The following DUSP12 variants were observed in gnomAD, a reference collection of about 807,000 sequenced individuals.
DUSP12 encodes dual specificity phosphatase 12.
Under a neutral mutation model 38.9 loss-of-function variants are expected in DUSP12, and 25 were observed. That is an observed-to-expected ratio of 0.64 (90% confidence interval 0.47 to 0.90). The LOEUF (loss-of-function observed/expected upper bound fraction) is 0.90. DUSP12 is among the 40% of genes least tolerant of loss of function. The pLI is 0.00. For synonymous variants in DUSP12, 153 were observed against 153.9 expected, an observed-to-expected ratio of 0.99 and a Z score of 0.05; for missense variants, 403 against 427.0, an observed-to-expected ratio of 0.94 and a Z score of 0.50.
intron 1 of DUSP12, 30 bp downstream of exon 1, chr1:161,750,175 C>A (rs1296337562): frequency 7.6e-6 from 12 of 1,581,778 alleles, no homozygotes; most frequent in Non-Finnish European, 8.6e-6. Flanking sequence ...GGTGACGTGC[C>A]CCGCCAAGCT....
chr1:161,753,241 T>G lies in DUSP12; in HGVS notation c.841T>G (p.Leu281Val). The change falls in exon 5 of 6, where the codon TTG (leucine) becomes GTG (valine). Residue 281 changes from leucine to valine, a missense_variant. By Grantham distance (32) the Leu-to-Val change is conservative. Transcript: ENST00000367943. Reference protein sequence around the residue: ...EPVQWMESALLGVMDGQLLCP... With the variant: ...EPVQWMESALVGVMDGQLLCP... ...TGTACAGTGGATGGAATCTGCTTTG[T>G]TGGGAGTGATGGATGGACAGGTGAG... 1 of 1,604,638 alleles carries G rather than the reference T, an allele frequency of 6.2e-7. No homozygotes were observed. The highest frequency in any genetic ancestry group is 8.5e-7 in the Non-Finnish European group (1 of 1,175,196).
intron 2 of DUSP12, 39 bp downstream of exon 2, chr1:161,751,820 A>G: frequency 6.2e-7 from 1 of 1,600,808 alleles, no homozygotes; most frequent in African/African-American, 1.4e-5. Flanking sequence ...TGCTTTTGTG[A>G]TATAATTTTA....
In DUSP12 at chr1:161,754,910, A is replaced by G. The variant is rs529977716; in HGVS notation, c.861+1649A>G. ...CAATGGCACAATCTTGGCTCACCAC[A>G]ACCTCTGCCTCCCGGGTTCAAGTGA... On this transcript the variant is annotated intron_variant, in intron 5 of 5. Coordinates refer to ENST00000367943, the MANE Select transcript of DUSP12 (RefSeq NM_007240.3). Among the ~76,000 whole-genome samples the G allele has an allele frequency of 1.3e-3, 191 of 152,190 alleles. 1 individual carries two copies. The highest frequency in any genetic ancestry group is 4.4e-3 in the African/African-American group (184 of 41,526).
At position 161,753,209 on chromosome 1, in the gene DUSP12, T is replaced by C. The variant is rs150959950; in HGVS notation, c.809T>C (p.Ile270Thr). ...GRQAQCTSYF[I>T]EPVQWMESAL... Reference sequence around the variant, plus strand: ...CAAGCTCAATGTACATCTTATTTCATTGAACCTGTACAGTGGATGGAATCT... The same window carrying C: ...CAAGCTCAATGTACATCTTATTTCACTGAACCTGTACAGTGGATGGAATCT... Residue 270 changes from isoleucine to threonine, a missense_variant, in exon 5 of 6, where the codon ATT becomes ACT. By Grantham distance (89) the Ile-to-Thr change is moderately conservative (BLOSUM62 -1). Coordinates refer to ENST00000367943, the MANE Select transcript of DUSP12 (RefSeq NM_007240.3). 13 of 1,614,062 alleles carry C rather than the reference T, an allele frequency of 8.1e-6. No individual in the cohort carries two copies. The highest frequency in any genetic ancestry group is 2.2e-5 in the East Asian group (1 of 44,876).
chr1:161,750,081 C>G lies in DUSP12; in HGVS notation c.280C>G (p.Leu94Val). Residue 94 changes from leucine to valine, a missense_variant, in exon 1 of 6, where the codon CTG becomes GTG. Physicochemically the swap from Leu to Val is conservative, Grantham distance 32. Transcript: ENST00000367943. Reference protein sequence around the residue: ...DKPETDLLSHLDRCVAFIGQA... With the variant: ...DKPETDLLSHVDRCVAFIGQA... ...ACCCGAGACGGACCTACTCAGCCAT[C>G]TGGACCGGTGCGTGGCCTTCATCGG... The G allele has an allele frequency of 6.2e-7, 1 of 1,614,008 alleles. No individual in the cohort carries two copies. The highest frequency in any genetic ancestry group is 1.6e-4 in the Middle Eastern group (1 of 6,062).
At chr1:161,754,274 T>C (rs1170386831) in intron 5 of DUSP12, among the ~76,000 whole-genome samples, 1 of 152,202 alleles carries the variant, frequency 6.6e-6, no homozygotes, top group Non-Finnish European at 1.5e-5. Flanking sequence ...TTATGAGTAG[T>C]GTCTTGCCTA....
chr1:161,757,148 T>A lies in DUSP12; in HGVS notation c.*201T>A. ...ATGTACATTTTATTTGATATTAAAA[T>A]CTTTTATAACCAGATACTGTCTGTG... On this transcript the variant is annotated 3_prime_UTR_variant, in exon 6 of 6. Coordinates refer to ENST00000367943, the MANE Select transcript of DUSP12 (RefSeq NM_007240.3). The A allele has an allele frequency of 2.2e-6, 1 of 459,672 alleles. No homozygotes were observed. Among genetic ancestry groups the A allele is most frequent in the Non-Finnish European group, 3.8e-6 (1 of 261,330 alleles). 28.5% of individuals were successfully genotyped at this position (459,672 alleles called of 1,614,324 possible). A position where few individuals can be genotyped will look rare whatever the true frequency, so the allele number is the denominator to read the frequency against.
chr1:161,754,923 C>T (rs1325910589), intron 5 of DUSP12, among the ~76,000 whole-genome samples: 1 of 152,080 alleles, frequency 6.6e-6, no homozygotes, highest in Non-Finnish European at 1.5e-5. Context: ...CTCTGCCTCC[C>T]GGGTTCAAGT....
intron 5 of DUSP12, among the ~76,000 whole-genome samples, chr1:161,756,020 T>G (rs1684101194): frequency 6.6e-6 from 1 of 152,116 alleles, no homozygotes; most frequent in South Asian, 2.1e-4. Context: ...CATGCCCAAC[T>G]AATTTTTGTG....
Position 161,749,845 on chromosome 1 carries a change from A to G in DUSP12, c.44A>G (p.Asn15Ser). The change falls in exon 1 of 6, where the codon AAC becomes AGC. Residue 15 changes from asparagine (N) to serine (S), a missense_variant. Coordinates refer to ENST00000367943, the MANE Select transcript of DUSP12 (RefSeq NM_007240.3). ...PGPSDGCELSNPSASRVSCAG... is the reference protein window; with the variant it reads ...PGPSDGCELSSPSASRVSCAG... Reference sequence around the variant, plus strand: ...CCGAGTGATGGCTGCGAGCTCAGCAACCCCAGCGCCAGCAGAGTCAGCTGT... The same window carrying G: ...CCGAGTGATGGCTGCGAGCTCAGCAGCCCCAGCGCCAGCAGAGTCAGCTGT... The G allele has an allele frequency of 6.2e-7, 1 of 1,602,190 alleles. No individual in the cohort carries two copies. Among genetic ancestry groups the G allele is most frequent in the Non-Finnish European group, 8.5e-7 (1 of 1,174,830 alleles).
At chr1:161,752,115 A>C in intron 3 of DUSP12, 131 bp downstream of exon 3, 1 of 768,954 alleles carries the variant, frequency 1.3e-6, no homozygotes, top group Non-Finnish European at 2.1e-6. Flanking sequence ...GCCAGAAATA[A>C]CCTATTCAAA....
intron 4 of DUSP12, 33 bp from the exon 5 acceptor site, chr1:161,753,042 T>C (rs746126471): frequency 1.9e-6 from 3 of 1,544,938 alleles, no homozygotes; most frequent in Non-Finnish European, 2.6e-6. Flanking sequence ...CTTTTGGAAG[T>C]CATTAATGCT....
At chr1:161,753,834 T>A (rs1684068364) in intron 5 of DUSP12, among the ~76,000 whole-genome samples, 1 of 152,218 alleles carries the variant, frequency 6.6e-6, no homozygotes, top group Non-Finnish European at 1.5e-5. Flanking sequence ...TTTTCTCTGT[T>A]GGCTTCCTGT....
intron 4 of DUSP12, 28 bp downstream of exon 4, chr1:161,752,492 T>A: frequency 7.0e-7 from 1 of 1,431,324 alleles, no homozygotes; most frequent in Non-Finnish European, 9.7e-7. Flanking sequence ...CTTTGGATAT[T>A]TTATCTTGTC....
At position 161,751,982 on chromosome 1, in the gene DUSP12, C is replaced by T; in HGVS notation, c.575C>T (p.Pro192Leu). 8 of 1,594,886 alleles carry T rather than the reference C, an allele frequency of 5.0e-6. No homozygotes were observed. The highest frequency in any genetic ancestry group is 6.9e-6 in the Non-Finnish European group (8 of 1,166,418). Residue 192 changes from proline to leucine, a missense_variant and splice_region_variant, in exon 3 of 6, where the codon CCA (proline) becomes CTA (leucine). Coordinates refer to ENST00000367943, the MANE Select transcript of DUSP12 (RefSeq NM_007240.3). ...YRLQKVTEKY[P>L]ELQNLPQELF... Reference sequence around the variant, plus strand: ...TTACAAAAGGTTACAGAGAAGTATCCAGGTAAGTAATAATTGCTAGTGTGT... The same window carrying T: ...TTACAAAAGGTTACAGAGAAGTATCTAGGTAAGTAATAATTGCTAGTGTGT...
Position 161,757,088 on chromosome 1 carries a change from A to G in DUSP12, c.*141A>G. ...TAAAATCACTTGATGTAACCTGGAA[A>G]CTATGCTTTACATGGCAATCAAAGC... On this transcript the variant is annotated 3_prime_UTR_variant, in exon 6 of 6. Transcript: ENST00000367943. 1.3e-6 allele frequency: 1 copy of G among 773,568 alleles called. No homozygotes were observed. The highest frequency in any genetic ancestry group is 2.0e-6 in the Non-Finnish European group (1 of 504,020). 47.9% of individuals were successfully genotyped at this position (773,568 alleles called of 1,614,324 possible). A position where few individuals can be genotyped will look rare whatever the true frequency, so the allele number is the denominator to read the frequency against.
chr1:161,750,107 T>C lies in DUSP12; in HGVS notation c.306T>C (p.Gly102=). The change falls in exon 1 of 6, where the codon GGT becomes GGC. Residue 102 remains glycine (G), a synonymous_variant. Transcript: ENST00000367943. ...SHLDRCVAFI[G]QARAEGRAVL... is the part of the protein sequence containing the mutation. ...TGGACCGGTGCGTGGCCTTCATCGGTCAGGCCCGCGCTGAGGGCCGTGCGG... is the reference window on the plus strand; with the variant it reads ...TGGACCGGTGCGTGGCCTTCATCGGCCAGGCCCGCGCTGAGGGCCGTGCGG... 1 of 1,613,742 alleles carries C rather than the reference T, an allele frequency of 6.2e-7. No homozygotes were observed. The highest frequency in any genetic ancestry group is 8.5e-7 in the Non-Finnish European group (1 of 1,179,900).
rs967151733 is a variant in DUSP12 at position 161,750,204 on chromosome 1, C to T, written c.344+59C>T. On this transcript the variant is annotated intron_variant, in intron 1 of 5. Coordinates refer to ENST00000367943, the MANE Select transcript of DUSP12 (RefSeq NM_007240.3). ...CCAAGCTTCCAGCCGGCCCCCGTCG[C>T]CCCTTACCTTCCGAGGCCGTCGGGA... 1.9e-6 allele frequency: 3 copies of T among 1,553,704 alleles called. No homozygotes were observed. In the South Asian group the frequency reaches 3.5e-5, roughly 18 times the overall value.
Position 161,751,952 on chromosome 1 carries a change from A to G in DUSP12, c.545A>G (p.Tyr182Cys), listed in dbSNP as rs1684029104. Residue 182 changes from tyrosine (Y) to cysteine (C), a missense_variant, in exon 3 of 6, where the codon TAT (tyrosine) becomes TGT (cysteine). Coordinates refer to ENST00000367943, the MANE Select transcript of DUSP12 (RefSeq NM_007240.3). ...ACCTCTAGTGCAATTTATAAGCAAT[A>G]TCGTTTACAAAAGGTTACAGAGAAG... ...VDTSSAIYKQ[Y>C]RLQKVTEKYP... 9.3e-6 allele frequency: 15 copies of G among 1,611,854 alleles called. No homozygotes were observed. In the East Asian group the frequency reaches 3.3e-4, roughly 36 times the overall value.
Sources: gnomAD v4.1 joint callset for allele counts (sites outside exome capture counted in the v4.1 genomes callset) on GRCh38, gnomAD v4.1.1 for gene constraint, MANE v1.5 for transcripts, NCBI Gene and HGNC (gene_info 2026-07-23, HGNC 2026-07-21) for gene names.